The following SLC22A15 variants were observed in gnomAD, a reference collection of about 807,000 sequenced individuals.
The protein encoded by SLC22A15 is flipt 1.
SLC22A15 carries 45 observed loss-of-function variants against 62.7 expected under a neutral mutation model. That is an observed-to-expected ratio of 0.72 (90% CI 0.56 to 0.92). The LOEUF (loss-of-function observed/expected upper bound fraction) is 0.92. Ranked by LOEUF, SLC22A15 falls within the 40% of genes least tolerant of loss-of-function variation. The pLI is 0.00. For synonymous variants in SLC22A15, 264 were observed against 267.0 expected, an observed-to-expected ratio of 0.99 and a Z score of 0.11; for missense variants, 622 against 665.6, an observed-to-expected ratio of 0.93 and a Z score of 0.72.
chr1:116,032,546 A>G (rs1657458313), intron 6 of SLC22A15: 1 of 985,382 alleles, frequency 1.0e-6, no homozygotes, highest in Non-Finnish European at 1.2e-6. Flanking sequence ...AAGAAGCTGC[A>G]AAGATATTTT....
intron 8 of SLC22A15, among the ~76,000 whole-genome samples, chr1:116,054,833 A>G (rs1240734656): frequency 6.6e-6 from 1 of 152,196 alleles, no homozygotes; most frequent in Non-Finnish European, 1.5e-5. Context: ...GAAGGCAGAA[A>G]TAAAGATGTT....
rs149161601 is a variant in SLC22A15 at position 116,064,646 on chromosome 1, G to A, written c.1365+138G>A. 1.9e-3 allele frequency: 1,267 copies of A among 658,164 alleles called. 13 individuals carry two copies. The highest frequency in any genetic ancestry group is 0.012 in the East Asian group (416 of 36,168). The allele number at this position is 658,164 out of a possible 1,614,324, so 40.8% of individuals were successfully genotyped here. ...ATGTGAACCTTGGCCCTTTTAGATA[G>A]TATTCCGTCAGGGCAGATGGACTCT... is the stretch of plus-strand genomic sequence containing the variant. On this transcript the variant is annotated intron_variant, in intron 10 of 11. Coordinates refer to ENST00000369503, the MANE Select transcript of SLC22A15 (RefSeq NM_018420.3).
chr1:116,068,935 T>C lies in SLC22A15; in HGVS notation c.*1827T>C, dbSNP rs1184562298. On this transcript the variant is annotated 3_prime_UTR_variant, in exon 12 of 12. Transcript: ENST00000369503. Reference sequence around the variant, plus strand: ...AGCTTTCTTTGTATTATAAGAGTAATATATCTCATTACAGAAAATTTGGAA... The same window carrying C: ...AGCTTTCTTTGTATTATAAGAGTAACATATCTCATTACAGAAAATTTGGAA... 6.6e-6 allele frequency: 1 copy of C among 152,206 alleles called. No homozygotes were observed. Among genetic ancestry groups the C allele is most frequent in the Non-Finnish European group, 1.5e-5 (1 of 68,024 alleles). The allele number at this position is 152,206 out of a possible 1,614,324, so 9.4% of individuals were successfully genotyped here.
chr1:116,022,076 C>G (rs1011421055), intron 4 of SLC22A15, among the ~76,000 whole-genome samples: 1 of 152,120 alleles, frequency 6.6e-6, no homozygotes, highest in Non-Finnish European at 1.5e-5. Context: ...AAACAGCTGT[C>G]GAGTGGAAGG....
chr1:116,057,448 C>T (rs2101555076), intron 8 of SLC22A15, among the ~76,000 whole-genome samples: 1 of 152,110 alleles, frequency 6.6e-6, no homozygotes, highest in East Asian at 1.9e-4. Context: ...AACACTTTTA[C>T]ACTGTTGGTG....
chr1:115,988,162 G>T (rs369834342), intron 1 of SLC22A15, among the ~76,000 whole-genome samples: 1 of 152,176 alleles, frequency 6.6e-6, no homozygotes, highest in South Asian at 2.1e-4. Context: ...AGCTAGAGAA[G>T]ATAATGATTT....
intron 1 of SLC22A15, among the ~76,000 whole-genome samples, chr1:115,989,509 A>C (rs1270314665): frequency 6.6e-6 from 1 of 152,162 alleles, no homozygotes; most frequent in Non-Finnish European, 1.5e-5. Context: ...GGCCAGGCAC[A>C]GTGGCTCATG....
intron 8 of SLC22A15, among the ~76,000 whole-genome samples, chr1:116,060,327 G>T: frequency 6.6e-6 from 1 of 152,204 alleles, no homozygotes; most frequent in East Asian, 1.9e-4. Context: ...GCATCAGATG[G>T]GGTATTGGAC....
Position 116,000,703 on chromosome 1 carries a change from T to G in SLC22A15, c.300+8460T>G, listed in dbSNP as rs1013776270. Among the ~76,000 whole-genome samples the G allele has an allele frequency of 8.4e-5, 12 of 142,036 alleles. No individual in the cohort carries two copies. The South Asian group carries it at 2.8e-3, about 33-fold the overall frequency. The allele number at this position is 142,036 out of a possible 152,430, so 93.2% of individuals were successfully genotyped here. A position where few individuals can be genotyped will look rare whatever the true frequency, so the allele number is the denominator to read the frequency against. ...TGGAGTGCAGTGGCTTGATCCCGGC[T>G]CACTGCAAACTCTGCCTTCCAGGTT... On this transcript the variant is annotated intron_variant, in intron 2 of 11. Coordinates refer to ENST00000369503, the MANE Select transcript of SLC22A15 (RefSeq NM_018420.3).
At chr1:116,026,795 A>G in intron 4 of SLC22A15, 98 bp from the exon 5 acceptor site, 1 of 1,455,914 alleles carries the variant, frequency 6.9e-7, no homozygotes. Context: ...CATAGGGCTG[A>G]CATCTCACCA....
At chr1:116,048,881 T>A (rs1241207305) in intron 8 of SLC22A15, among the ~76,000 whole-genome samples, 1 of 152,056 alleles carries the variant, frequency 6.6e-6, no homozygotes, top group Admixed American at 6.6e-5. Context: ...AGGACTCACA[T>A]AAACTTAAGG....
intron 1 of SLC22A15, among the ~76,000 whole-genome samples, chr1:115,989,098 G>C (rs970459088): frequency 6.8e-6 from 1 of 146,458 alleles, no homozygotes; most frequent in Non-Finnish European, 1.5e-5. Flanking sequence ...TGTGTGTTCT[G>C]TGAGGGCCTT....
intron 8 of SLC22A15, among the ~76,000 whole-genome samples, chr1:116,053,938 C>T (rs896990423): frequency 2.2e-4 from 34 of 151,844 alleles, no homozygotes; most frequent in African/African-American, 5.8e-4. Flanking sequence ...CGGTACCAGC[C>T]GCTGCAAAAT....
intron 8 of SLC22A15, among the ~76,000 whole-genome samples, chr1:116,050,385 G>C (rs1378128319): frequency 6.6e-6 from 1 of 152,084 alleles, no homozygotes; most frequent in Non-Finnish European, 1.5e-5. Context: ...ATATCAAAAA[G>C]ATAATCCACC....
At chr1:115,989,822 A>G (rs1655062270) in intron 1 of SLC22A15, among the ~76,000 whole-genome samples, 2 of 152,104 alleles carry the variant, frequency 1.3e-5, no homozygotes, top group Admixed American at 1.3e-4. Context: ...TTCAAAAGAA[A>G]CTTTGAATAG....
chr1:116,045,738 C>CAAAAAAAA (rs34360597), intron 8 of SLC22A15, among the ~76,000 whole-genome samples: 4 of 101,654 alleles, frequency 3.9e-5, no homozygotes, highest in Non-Finnish European at 7.4e-5. Flanking sequence ...GACTCCATCT[C>CAAAAAAAA]AAAAAAAAAA....
intron 2 of SLC22A15, among the ~76,000 whole-genome samples, chr1:116,001,457 A>T (rs1266402215): frequency 6.6e-6 from 1 of 152,180 alleles, no homozygotes; most frequent in African/African-American, 2.4e-5. Flanking sequence ...TCTTTAAGGG[A>T]AATAACTCTG....
rs748521665 is a variant in SLC22A15 at position 116,035,243 on chromosome 1, GA to G, written c.1003del (p.Ser335ValfsTer12). 6.2e-7 allele frequency: 1 copy of G among 1,613,402 alleles called. No homozygotes were observed. Among genetic ancestry groups the G allele is most frequent in the Non-Finnish European group, 8.5e-7 (1 of 1,179,574 alleles). On this transcript the variant is annotated frameshift_variant, in exon 7 of 12. Coordinates refer to ENST00000369503, the MANE Select transcript of SLC22A15 (RefSeq NM_018420.3). LOFTEE classifies it high-confidence loss of function. Reference sequence around the variant, plus strand: ...ACTCTGAGTGCGGGTGATCTAGGTGGAAGTATTTATGCCAACCTGGCCCTGT... The same window carrying G: ...ACTCTGAGTGCGGGTGATCTAGGTGGAGTATTTATGCCAACCTGGCCCTGT... ...GLTLSAGDLGGSIYANLALSG... is the reference protein window; with the variant it reads ...GLTLSAGDLGXSIYANLALSG...
chr1:116,057,063 A>C (rs1335867300), intron 8 of SLC22A15, among the ~76,000 whole-genome samples: 1 of 152,068 alleles, frequency 6.6e-6, no homozygotes, highest in African/African-American at 2.4e-5. Flanking sequence ...AATGGGATCT[A>C]ATTAAACTAA....
Sources: allele counts gnomAD v4.1 joint callset (sites outside exome capture counted in the v4.1 genomes callset), GRCh38; gene constraint gnomAD v4.1.1; transcripts MANE v1.5; gene names NCBI Gene and HGNC (gene_info 2026-07-23, HGNC 2026-07-21).